The following TAPBPL variants were observed in gnomAD, a reference collection of about 807,000 sequenced individuals.
The protein encoded by TAPBPL is TAP binding protein like, also known as tapasin-related protein.
In TAPBPL, 32 loss-of-function variants were observed where a neutral mutation model predicts 44.8. The ratio of observed to expected loss-of-function variants is 0.71; its 90% CI spans 0.54 to 0.96. The LOEUF (loss-of-function observed/expected upper bound fraction) is 0.96, where lower values mean the gene tolerates loss of function less well. Ranked by LOEUF, TAPBPL falls within the 40% of genes least tolerant of loss-of-function variation. The pLI is 0.00. For missense variants in TAPBPL, 520 were observed against 586.6 expected (o/e 0.89, Z 1.17); for synonymous variants, 230 against 240.7 (o/e 0.96, Z 0.41).
At chr12:6,454,603 G>A (rs960550999) in intron 3 of TAPBPL, among the ~76,000 whole-genome samples, 1 of 152,168 alleles carries the variant, frequency 6.6e-6, no homozygotes, top group African/African-American at 2.4e-5. Flanking sequence ...GGGCTGCCAT[G>A]AGGAAATAAG....
chr12:6,461,152 G>A (rs1949849733), intron 6 of TAPBPL: 1 of 1,382,126 alleles, frequency 7.2e-7, no homozygotes, highest in Non-Finnish European at 9.4e-7. Flanking sequence ...TCACTCTCCT[G>A]CCTCAGAGTA....
intron 3 of TAPBPL, among the ~76,000 whole-genome samples, chr12:6,455,815 C>T (rs952107873): frequency 1.4e-5 from 2 of 148,042 alleles, no homozygotes; most frequent in African/African-American, 2.5e-5. Context: ...GGCTGGAGTG[C>T]AGTGGCATGA....
In TAPBPL at chr12:6,453,583, C is replaced by A; in HGVS notation, c.432C>A (p.Ala144=). 6.2e-7 allele frequency: 1 copy of A among 1,614,142 alleles called. No individual in the cohort carries two copies. The highest frequency in any genetic ancestry group is 8.5e-7 in the Non-Finnish European group (1 of 1,180,024). ...TTVKTAAWFM[A]NMQVSGGGPS... ...TTAAGACAGCAGCTTGGTTCATGGC[C>A]AACATGCAGGTCTCTGGAGGGGGAC... is the stretch of plus-strand genomic sequence containing the variant. The change falls in exon 3 of 7, where the codon GCC becomes GCA. Residue 144 remains alanine, a synonymous_variant. Transcript: ENST00000266556. The surrounding 1 kb of genome is among the most constrained non-coding windows in gnomAD (Gnocchi z 4.8).
At chr12:6,456,588 T>G (rs1949708495) in intron 3 of TAPBPL, among the ~76,000 whole-genome samples, 1 of 152,112 alleles carries the variant, frequency 6.6e-6, no homozygotes, top group Non-Finnish European at 1.5e-5. Context: ...GGTCTCAAAC[T>G]CCCAACCTCA....
downstream of TAPBPL, chr12:6,463,332 G>A (rs1481299025): frequency 8.5e-7 from 1 of 1,173,552 alleles, no homozygotes; most frequent in Non-Finnish European, 1.1e-6. This position sits in a 1 kb window ranked among gnomAD's most constrained non-coding sequence, Gnocchi z 4.0. Flanking sequence ...CCCCCAAGGT[G>A]GGGCTGGTGG....
chr12:6,459,050 G>A (rs560842711), intron 5 of TAPBPL, 103 bp downstream of exon 5: 26 of 1,342,404 alleles, frequency 1.9e-5, no homozygotes, highest in South Asian at 1.8e-4. Context: ...CACTTTGTTC[G>A]CAGCCCTGGC....
At chr12:6,461,938 G>A (rs1294814851) in intron 6 of TAPBPL, 96 bp from the exon 7 acceptor site, 5 of 965,534 alleles carry the variant, frequency 5.2e-6, no homozygotes, top group East Asian at 2.5e-5. Context: ...CTAGGAAGGA[G>A]CACAGGAGGC....
downstream of TAPBPL, among the ~76,000 whole-genome samples, chr12:6,468,352 G>A (rs73042327): frequency 0.019 from 2,966 of 152,334 alleles, 45 homozygotes; most frequent in Non-Finnish European, 0.031. Context: ...AATCAGGGCT[G>A]CCATAAGGGC....
At chr12:6,461,404 C>T (rs943489376) in intron 6 of TAPBPL, 35 of 999,634 alleles carry the variant, frequency 3.5e-5, no homozygotes, top group East Asian at 2.1e-4. Flanking sequence ...GGTGGTGTGA[C>T]GGTAGGAAAA....
chr12:6,460,800 T>C, intron 5 of TAPBPL, 55 bp from the exon 6 acceptor site: 1 of 1,576,528 alleles, frequency 6.3e-7, no homozygotes, highest in South Asian at 1.1e-5. Flanking sequence ...AGGTGAGGGC[T>C]CAGCTCATGA....
At chr12:6,465,024 C>T, downstream of TAPBPL, 1 of 1,589,558 alleles carries the variant, frequency 6.3e-7, no homozygotes. Flanking sequence ...AACAGAATTC[C>T]TTCCATCCTT....
downstream of TAPBPL, chr12:6,464,626 AAGCCAGTGACACACAGCAT>A: frequency 6.9e-7 from 1 of 1,456,462 alleles, no homozygotes; most frequent in East Asian, 2.5e-5. Flanking sequence ...CCTCCAACCC[AAGCCAGTGACACACAGCAT>A]AGCCCCACTT....
downstream of TAPBPL, among the ~76,000 whole-genome samples, chr12:6,468,717 A>C (rs1945694692): frequency 1.3e-5 from 2 of 152,298 alleles, no homozygotes; most frequent in South Asian, 4.1e-4. Context: ...TGTGGTCTTC[A>C]AGACAAACTC....
In TAPBPL at chr12:6,458,632, A is replaced by T. The variant is rs769132933; in HGVS notation, c.905-13A>T. On this transcript the variant is annotated splice_polypyrimidine_tract_variant and intron_variant, in intron 4 of 6. Coordinates refer to ENST00000266556, the MANE Select transcript of TAPBPL (RefSeq NM_018009.5). ...AGATCCATGTGTAATCTTATTCCTC[A>T]TTCTTTCTCCAGCTTCCCCTAAAGT... 9.9e-6 allele frequency: 16 copies of T among 1,611,672 alleles called. No homozygotes were observed. The East Asian group carries it at 3.6e-4, about 36-fold the overall frequency.
At chr12:6,466,319 G>T, downstream of TAPBPL, 1 of 1,614,092 alleles carries the variant, frequency 6.2e-7, no homozygotes. Flanking sequence ...AGTCCCTTCT[G>T]TCCCTTCAGC....
At chr12:6,469,111 TCCCC>T (rs1045830622), downstream of TAPBPL, among the ~76,000 whole-genome samples, 2 of 152,160 alleles carry the variant, frequency 1.3e-5, no homozygotes, top group Non-Finnish European at 2.9e-5. Context: ...CCTGACTCAT[TCCCC>T]ATTTGAAGAA....
At chr12:6,461,574 A>G (rs1026176377) in intron 6 of TAPBPL, among the ~76,000 whole-genome samples, 2 of 152,132 alleles carry the variant, frequency 1.3e-5, no homozygotes, top group African/African-American at 4.8e-5. Flanking sequence ...ACTGGTCCCA[A>G]CTGAGCCCTG....
chr12:6,459,751 T>G (rs1949796125), intron 5 of TAPBPL, among the ~76,000 whole-genome samples: 3 of 146,160 alleles, frequency 2.1e-5, no homozygotes, highest in Admixed American at 6.7e-5. Context: ...TTTATTTATT[T>G]ATTTATTTAT....
chr12:6,462,122 C>A lies in TAPBPL; in HGVS notation c.1380C>A (p.Arg460=). The stretch of plus-strand genomic sequence containing the variant: ...AGAGCTCCCATCTCCATGAAGACCG[C>A]ACAGCGCGTGTAAGCCAGCCCAGCT... ...DTQSSHLHED[R]TARVSQPS The change falls in exon 7 of 7, where the codon CGC becomes CGA. Residue 460 remains arginine, a synonymous_variant. Coordinates refer to ENST00000266556, the MANE Select transcript of TAPBPL (RefSeq NM_018009.5). 6.2e-7 allele frequency: 1 copy of A among 1,612,726 alleles called. No homozygotes were observed. Among genetic ancestry groups the A allele is most frequent in the Non-Finnish European group, 8.5e-7 (1 of 1,178,942 alleles).
Sources: gnomAD v4.1 joint callset for allele counts (sites outside exome capture counted in the v4.1 genomes callset) on GRCh38, gnomAD v4.1.1 for gene constraint, Gnocchi (gnomAD v3.1) non-coding constraint, MANE v1.5 for transcripts, NCBI Gene and HGNC (gene_info 2026-07-23, HGNC 2026-07-21) for gene names.